The following DSG1 variants were observed in gnomAD, a reference collection of about 807,000 sequenced individuals.
DSG1 encodes the protein desmoglein 1.
A neutral mutation model predicts 97.5 loss-of-function variants in DSG1; 39 were observed. That is an observed-to-expected ratio of 0.40 (90% CI 0.31 to 0.52). DSG1 has a LOEUF of 0.52. DSG1 is among the 20% of genes least tolerant of loss of function. The pLI, the probability that DSG1 is intolerant of heterozygous loss-of-function variation, is 0.53. For missense variants in DSG1, 1,311 were observed against 1,295.4 expected, an observed-to-expected ratio of 1.01 and a Z score of -0.18; for synonymous variants, 475 against 443.4, an observed-to-expected ratio of 1.07 and a Z score of -0.90.
At chr18:31,341,842 A>C (rs1331347713) in intron 11 of DSG1, among the ~76,000 whole-genome samples, 1 of 152,214 alleles carries the variant, frequency 6.6e-6, no homozygotes, top group Non-Finnish European at 1.5e-5. Flanking sequence ...GTAATTACCC[A>C]AGTGCTCATT....
chr18:31,322,103 C>T (rs1024764583), intron 1 of DSG1, among the ~76,000 whole-genome samples: 1 of 152,202 alleles, frequency 6.6e-6, no homozygotes, highest in Non-Finnish European at 1.5e-5. Flanking sequence ...GAATAGGCCA[C>T]AGTTTTTCAT....
Position 31,355,659 on chromosome 18 carries a change from C to T in DSG1, c.*313C>T, listed in dbSNP as rs1479826301. ...TACGATGGCAATTGGCATCATTCTC[C>T]TTGCTCTGTTTTGCTTTTCCATATA... On this transcript the variant is annotated 3_prime_UTR_variant, in exon 15 of 15. Coordinates refer to ENST00000257192, the MANE Select transcript of DSG1 (RefSeq NM_001942.4). 1 of 369,064 alleles carries T rather than the reference C, an allele frequency of 2.7e-6. No homozygotes were observed. Among genetic ancestry groups the T allele is most frequent in the African/African-American group, 2.0e-5 (1 of 48,988 alleles). The allele number at this position is 369,064 out of a possible 1,614,324, so 22.9% of individuals were successfully genotyped here.
At chr18:31,338,228 C>T in intron 9 of DSG1, 87 bp from the exon 10 acceptor site, 3 of 1,337,400 alleles carry the variant, frequency 2.2e-6, no homozygotes, top group African/African-American at 3.3e-5. Context: ...ATTATAATTA[C>T]TCACTGAAAA....
chr18:31,342,328 C>T (rs1303496581), intron 11 of DSG1, among the ~76,000 whole-genome samples: 1 of 152,070 alleles, frequency 6.6e-6, no homozygotes, highest in Admixed American at 6.6e-5. Context: ...TACCTGTAGA[C>T]CCAAAGTTTC....
chr18:31,346,246 C>A, intron 14 of DSG1, 48 bp downstream of exon 14: 1 of 1,468,492 alleles, frequency 6.8e-7, no homozygotes, highest in Non-Finnish European at 9.5e-7. Context: ...GTGCCTGCTG[C>A]TCTTCACCAA....
At chr18:31,328,541 C>A (rs2071700923) in intron 4 of DSG1, among the ~76,000 whole-genome samples, 197 bp downstream of exon 4, 1 of 152,060 alleles carries the variant, frequency 6.6e-6, no homozygotes, top group South Asian at 2.1e-4. Context: ...TAAGTGTCAG[C>A]AAAAATGCTA....
Position 31,359,160 on chromosome 18 carries a change from T to A in DSG1, c.*3814T>A, listed in dbSNP as rs1490271946. 6.6e-6 allele frequency among the ~76,000 whole-genome samples: 1 copy of A among 152,142 alleles called. No individual in the cohort carries two copies. Among genetic ancestry groups the A allele is most frequent in the African/African-American group, 2.4e-5 (1 of 41,436 alleles). On this transcript the variant is annotated 3_prime_UTR_variant, in exon 15 of 15. Transcript: ENST00000257192. ...AGTTTTTGGATTATTTGGGTGCTAG[T>A]TTCTTGCTTGGTTATCTGTTCGTTT... is the stretch of plus-strand genomic sequence containing the variant.
rs2144091452 is a variant in DSG1 at position 31,329,914 on chromosome 18, C to A, written c.395C>A (p.Ser132Ter). The A allele has an allele frequency of 6.2e-7, 1 of 1,613,210 alleles. No homozygotes were observed. The change falls in exon 5 of 15, where the codon TCA becomes TAA. Residue 132 changes from serine to a stop codon, truncating the protein, a stop_gained. Coordinates refer to ENST00000257192, the MANE Select transcript of DSG1 (RefSeq NM_001942.4). LOFTEE classifies it high-confidence loss of function. ...CAGATCTACTGCCGAGCTCTGAACT[C>A]AATGGGCCAAGATTTAGAGAGGCCT... is the stretch of plus-strand genomic sequence containing the variant. Reference protein sequence around the residue: ...FFIIYCRALNSMGQDLERPLE... With the variant: ...FFIIYCRALN
intron 6 of DSG1, among the ~76,000 whole-genome samples, chr18:31,333,160 T>A (rs2071730970): frequency 6.6e-6 from 1 of 152,176 alleles, no homozygotes; most frequent in Non-Finnish European, 1.5e-5. Context: ...TCACCAATAA[T>A]TCCACTGCCA....
At chr18:31,326,086 A>C (rs1266261674) in intron 1 of DSG1, among the ~76,000 whole-genome samples, 1 of 152,016 alleles carries the variant, frequency 6.6e-6, no homozygotes, top group Non-Finnish European at 1.5e-5. Flanking sequence ...TATTGATCAT[A>C]AATACTTATT....
rs556306911 is a variant in DSG1 at position 31,328,177 on chromosome 18, T to C, written c.217-12T>C. 10 of 1,613,048 alleles carry C rather than the reference T, an allele frequency of 6.2e-6. No individual in the cohort carries two copies. The East Asian group carries it at 2.0e-4, about 32-fold the overall frequency. On this transcript the variant is annotated splice_polypyrimidine_tract_variant and intron_variant, in intron 3 of 14. Transcript: ENST00000257192. ...GCTCCCTCTAATATTTTTACTTGTG[T>C]TCCTTCTGCAGATTCACTCAGATTG...
Position 31,354,917 on chromosome 18 carries a change from C to G in DSG1, c.2721C>G (p.Thr907=), listed in dbSNP as rs750357117. Residue 907 remains threonine (T), a synonymous_variant, in exon 15 of 15, where the codon ACC becomes ACG. Coordinates refer to ENST00000257192, the MANE Select transcript of DSG1 (RefSeq NM_001942.4). ...RVIAPSSSLP[T]SLTIHHPRES... Reference sequence around the variant, plus strand: ...TAGCACCAAGCTCTAGTCTACCCACCTCTCTGACTATCCATCATCCTAGAG... The same window carrying G: ...TAGCACCAAGCTCTAGTCTACCCACGTCTCTGACTATCCATCATCCTAGAG... The G allele has an allele frequency of 1.9e-6, 3 of 1,614,204 alleles. No individual in the cohort carries two copies. The South Asian group carries it at 3.3e-5, about 18-fold the overall frequency.
At position 31,354,681 on chromosome 18, in the gene DSG1, C is replaced by T. The variant is rs556017565; in HGVS notation, c.2485C>T (p.Pro829Ser). The change falls in exon 15 of 15, where the codon CCT becomes TCT. Residue 829 changes from proline (P) to serine (S), a missense_variant. This residue lies in a region of DSG1 where 1,038 missense variants were observed against 964.6 expected (regional missense o/e 1.08). Coordinates refer to ENST00000257192, the MANE Select transcript of DSG1 (RefSeq NM_001942.4). The stretch of plus-strand genomic sequence containing the variant: ...ACTGCATCCTAAGCCTATTCTCGAT[C>T]CTCTGGGCTATGGTAATGTCACTGT... ...GVLHPKPILD[P>S]LGYGNVTVTE... is the part of the protein sequence containing the mutation. 4.8e-4 allele frequency: 782 copies of T among 1,614,132 alleles called. 13 individuals are homozygous for T. The South Asian group carries it at 7.8e-3, about 16-fold the overall frequency.
chr18:31,352,329 T>C (rs1394507580), intron 14 of DSG1, among the ~76,000 whole-genome samples: 5 of 150,312 alleles, frequency 3.3e-5, no homozygotes, highest in South Asian at 2.2e-4. Flanking sequence ...GGGTTTCTGC[T>C]GAGAGATCTG....
At chr18:31,354,053 T>G in intron 14 of DSG1, 1 of 491,588 alleles carries the variant, frequency 2.0e-6, no homozygotes, top group South Asian at 2.4e-5. Context: ...TACACAATTA[T>G]AAATAAGTCC....
rs529653412 is a variant in DSG1 at position 31,335,498 on chromosome 18, C to G, written c.1006-856C>G. Among the ~76,000 whole-genome samples the G allele has an allele frequency of 3.1e-4, 47 of 151,742 alleles. No homozygotes were observed. The South Asian group carries it at 9.8e-3, about 32-fold the overall frequency. ...GCCCAGACATATCATATATTAAATC[C>G]TTTGTTATAGCTATATACATATATA... is the stretch of plus-strand genomic sequence containing the variant. On this transcript the variant is annotated intron_variant, in intron 8 of 14. Coordinates refer to ENST00000257192, the MANE Select transcript of DSG1 (RefSeq NM_001942.4).
intron 5 of DSG1, 152 bp downstream of exon 5, chr18:31,330,188 C>T: frequency 1.0e-6 from 1 of 994,676 alleles, no homozygotes; most frequent in East Asian, 2.6e-5. Context: ...GGAAGCAGCT[C>T]CAAACTGAGG....
Position 31,358,000 on chromosome 18 carries a change from G to T in DSG1, c.*2654G>T, listed in dbSNP as rs959054879. ...GGGCAGAACTTCATTCTTCTTCTTA[G>T]ATGTTTACTCTAGATCATATACATC... On this transcript the variant is annotated 3_prime_UTR_variant, in exon 15 of 15. Transcript: ENST00000257192. Among the ~76,000 whole-genome samples the T allele has an allele frequency of 6.6e-6, 1 of 151,848 alleles. No homozygotes were observed. Among genetic ancestry groups the T allele is most frequent in the Non-Finnish European group, 1.5e-5 (1 of 67,848 alleles).
Position 31,355,573 on chromosome 18 carries a change from G to A in DSG1, c.*227G>A. 3.6e-6 allele frequency: 2 copies of A among 561,508 alleles called. No homozygotes were observed. Among genetic ancestry groups the A allele is most frequent in the Non-Finnish European group, 6.4e-6 (2 of 314,836 alleles). 34.8% of individuals were successfully genotyped at this position (561,508 alleles called of 1,614,324 possible). A position where few individuals can be genotyped will look rare whatever the true frequency, so the allele number is the denominator to read the frequency against. On this transcript the variant is annotated 3_prime_UTR_variant, in exon 15 of 15. Transcript: ENST00000257192. ...TATTAGGACTAAGGAACTAAAACTT[G>A]AGGCAGAGTCTTCTTTGTGCCTGAG...
Sources: allele counts gnomAD v4.1 joint callset (sites outside exome capture counted in the v4.1 genomes callset), GRCh38; gene constraint gnomAD v4.1.1; regional missense constraint gnomAD v4.1.1; transcripts MANE v1.5; gene names NCBI Gene and HGNC (gene_info 2026-07-23, HGNC 2026-07-21).